Variants in NTM observed in about 807,000 individuals in gnomAD.
NTM encodes IgLON family member 2.
A neutral mutation model predicts 42.1 loss-of-function variants in NTM; 13 were observed. The observed-to-expected ratio is 0.31, with a 90% CI of 0.20 to 0.49. NTM has a LOEUF of 0.49. Among genes scored for constraint, NTM ranks in the 20% least tolerant of loss-of-function variants. The pLI, the probability that NTM is intolerant of heterozygous loss-of-function variation, is 0.99. For missense variants in NTM, 373 were observed against 452.8 expected (o/e 0.82, Z 1.60); for synonymous variants, 187 against 179.2 (o/e 1.04, Z -0.35).
intron 3 of NTM, among the ~76,000 whole-genome samples, chr11:132,170,295 C>T (rs2075942250): frequency 6.6e-6 from 1 of 152,184 alleles, no homozygotes; most frequent in Non-Finnish European, 1.5e-5. Flanking sequence ...ATAGATCTTC[C>T]TCCAATTCCA....
At chr11:132,179,988 G>A (rs191237656) in intron 3 of NTM, among the ~76,000 whole-genome samples, 68 of 152,184 alleles carry the variant, frequency 4.5e-4, no homozygotes, top group Non-Finnish European at 9.0e-4. Flanking sequence ...ACTAACAATA[G>A]TAATGTTATT....
At position 131,515,403 on chromosome 11, in the gene NTM, T is replaced by C. The variant is rs193155888; in HGVS notation, c.82+144515T>C. On this transcript the variant is annotated intron_variant, in intron 1 of 8. Coordinates refer to ENST00000683400, the MANE Select transcript of NTM (RefSeq NM_001352005.2). ...GTCCTCTCCCTGTGGTAGATGGCCTTTCCTGCCTCCATGTGAGCAGTTAAT... is the reference window on the plus strand; with the variant it reads ...GTCCTCTCCCTGTGGTAGATGGCCTCTCCTGCCTCCATGTGAGCAGTTAAT... Among the ~76,000 whole-genome samples the C allele has an allele frequency of 1.3e-3, 195 of 152,280 alleles. 1 individual carries two copies. The highest frequency in any genetic ancestry group is 4.4e-3 in the African/African-American group (181 of 41,560).
chr11:131,821,163 C>T (rs2093170868), intron 1 of NTM, among the ~76,000 whole-genome samples: 1 of 152,150 alleles, frequency 6.6e-6, no homozygotes, highest in Non-Finnish European at 1.5e-5. Context: ...ATTACTTCCC[C>T]CTAGTTTCTA....
intron 2 of NTM, among the ~76,000 whole-genome samples, chr11:132,137,297 G>T (rs1407155421): frequency 6.6e-6 from 1 of 152,162 alleles, no homozygotes; most frequent in African/African-American, 2.4e-5. Flanking sequence ...AGATGGATTT[G>T]TTTCAGGGAC....
intron 1 of NTM, among the ~76,000 whole-genome samples, chr11:131,421,401 G>C (rs532621002): frequency 2.0e-5 from 3 of 152,222 alleles, no homozygotes; most frequent in Non-Finnish European, 4.4e-5. Flanking sequence ...CCCTGCCTGG[G>C]GGGAGAGGAG....
rs190981716 is a variant in NTM, at chr11:132,220,022, A to G, written c.526+7875A>G. Among the ~76,000 whole-genome samples the G allele has an allele frequency of 3.3e-3, 508 of 152,332 alleles. 4 individuals carry two copies. Among genetic ancestry groups the G allele is most frequent in the African/African-American group, 0.011 (465 of 41,574 alleles). On this transcript the variant is annotated intron_variant, in intron 4 of 8. Coordinates refer to ENST00000683400, the MANE Select transcript of NTM (RefSeq NM_001352005.2). ...GCTTGATTAAAATTCCCAGTACCCCAAGAAGCTATCCCAGGAGGGCCAAGT... is the reference window on the plus strand; with the variant it reads ...GCTTGATTAAAATTCCCAGTACCCCGAGAAGCTATCCCAGGAGGGCCAAGT...
intron 1 of NTM, among the ~76,000 whole-genome samples, chr11:131,761,180 G>C (rs1443736997): frequency 1.3e-5 from 2 of 152,154 alleles, no homozygotes; most frequent in East Asian, 3.9e-4. Context: ...GACTTTGCAG[G>C]ACCTGTTATG....
chr11:132,093,034 G>A (rs2060549643), intron 2 of NTM, among the ~76,000 whole-genome samples: 1 of 152,146 alleles, frequency 6.6e-6, no homozygotes, highest in African/African-American at 2.4e-5. Flanking sequence ...ATGGAAATAT[G>A]ATTCTATCCT....
In NTM at chr11:131,506,312, A is replaced by G. The variant is rs114242440; in HGVS notation, c.82+135424A>G. 3.4e-3 allele frequency among the ~76,000 whole-genome samples: 519 copies of G among 152,264 alleles called. 4 individuals carry two copies. Among genetic ancestry groups the G allele is most frequent in the African/African-American group, 0.011 (473 of 41,548 alleles). On this transcript the variant is annotated intron_variant, in intron 1 of 8. Transcript: ENST00000683400. ...AGGCTTTATGTCTGTTGGTGTGATCATCCAAACTGGGGAAGGGCCTATAAC... is the reference window on the plus strand; with the variant it reads ...AGGCTTTATGTCTGTTGGTGTGATCGTCCAAACTGGGGAAGGGCCTATAAC...
intron 2 of NTM, among the ~76,000 whole-genome samples, chr11:131,974,922 A>G (rs977562009): frequency 6.6e-6 from 1 of 152,142 alleles, no homozygotes; most frequent in Non-Finnish European, 1.5e-5. Flanking sequence ...CATATCACAA[A>G]TGTCCTAAAT....
At chr11:132,268,657 CCTCT>C (rs71870444) in intron 4 of NTM, among the ~76,000 whole-genome samples, 5,303 of 134,980 alleles carry the variant, frequency 0.039, 107 homozygotes, top group Non-Finnish European at 0.046. Flanking sequence ...GGTGTGGGGT[CCTCT>C]CTCTCTCTCT....
chr11:131,846,892 A>G lies in NTM; in HGVS notation c.83-64672A>G, dbSNP rs1385547110. Among the ~76,000 whole-genome samples, 8 of 152,166 alleles carry G rather than the reference A, an allele frequency of 5.3e-5. No individual in the cohort carries two copies. In the East Asian group the frequency reaches 1.5e-3, roughly 29 times the overall value. The stretch of plus-strand genomic sequence containing the variant: ...AAAAATAAAAAGAGTGAGGTAGAAA[A>G]TCAGGAAGGGAGGGGCAAGGCATGG... On this transcript the variant is annotated intron_variant, in intron 1 of 8. Coordinates refer to ENST00000683400, the MANE Select transcript of NTM (RefSeq NM_001352005.2).
intron 1 of NTM, among the ~76,000 whole-genome samples, chr11:131,831,176 T>G (rs967688864): frequency 3.3e-5 from 5 of 152,180 alleles, no homozygotes; most frequent in Non-Finnish European, 7.3e-5. Context: ...CTTGCCTGAT[T>G]GCTGTGGATA....
At chr11:131,551,375 G>C (rs574242129) in intron 1 of NTM, among the ~76,000 whole-genome samples, 1 of 151,992 alleles carries the variant, frequency 6.6e-6, no homozygotes, top group African/African-American at 2.4e-5. Context: ...GGACTTTGAG[G>C]GTGAAGGGAG....
At chr11:131,762,272 G>C (rs544548025) in intron 1 of NTM, among the ~76,000 whole-genome samples, 38 of 152,306 alleles carry the variant, frequency 2.5e-4, no homozygotes, top group African/African-American at 8.2e-4. Context: ...CCTTAGAAAA[G>C]TTCCTATGGT....
intron 2 of NTM, among the ~76,000 whole-genome samples, chr11:132,071,445 A>G (rs2057659773): frequency 6.6e-6 from 1 of 152,258 alleles, no homozygotes; most frequent in African/African-American, 2.4e-5. Context: ...GCTTGCCTGT[A>G]TTAAGCCCTT....
At chr11:131,390,613 C>A (rs769616467) in intron 1 of NTM, among the ~76,000 whole-genome samples, 1 of 152,116 alleles carries the variant, frequency 6.6e-6, no homozygotes, top group Non-Finnish European at 1.5e-5. Context: ...TGCTCCAACT[C>A]GATGGGCTAG....
At chr11:131,417,363 G>T (rs535960839) in intron 1 of NTM, among the ~76,000 whole-genome samples, 1 of 152,314 alleles carries the variant, frequency 6.6e-6, no homozygotes, top group South Asian at 2.1e-4. Context: ...GATGTGGAAT[G>T]CTTTCCTGGC....
intron 1 of NTM, among the ~76,000 whole-genome samples, chr11:131,550,032 G>A (rs1372898347): frequency 6.6e-6 from 1 of 152,302 alleles, no homozygotes; most frequent in East Asian, 1.9e-4. Context: ...GGGGAGGCAT[G>A]AGGCTCTGGG....
Sources: gnomAD v4.1 joint callset for allele counts (sites outside exome capture counted in the v4.1 genomes callset) on GRCh38, gnomAD v4.1.1 for gene constraint, MANE v1.5 for transcripts, NCBI Gene and HGNC (gene_info 2026-07-23, HGNC 2026-07-21) for gene names.